Variants in PDPK1 observed in about 807,000 individuals in gnomAD.
The protein encoded by PDPK1 is 3-phosphoinositide-dependent protein kinase 1.
PDPK1 carries 7 observed loss-of-function variants against 39.8 expected under a neutral mutation model. The observed-to-expected ratio is 0.18, with a 90% CI of 0.10 to 0.33. The LOEUF (loss-of-function observed/expected upper bound fraction) is 0.33, where lower values mean the gene tolerates loss of function less well. PDPK1 is among the 10% of genes least tolerant of loss of function. PDPK1 has a pLI of 1.00. For missense variants in PDPK1, 182 were observed against 384.7 expected, an observed-to-expected ratio of 0.47 and a Z score of 4.41; for synonymous variants, 118 against 159.1, an observed-to-expected ratio of 0.74 and a Z score of 1.95.
At chr16:2,551,437 C>T (rs2066405352) in intron 1 of PDPK1, among the ~76,000 whole-genome samples, 1 of 151,274 alleles carries the variant, frequency 6.6e-6, no homozygotes, top group African/African-American at 2.4e-5. Flanking sequence ...GTGGCAGCCT[C>T]CCACAACTTT....
In PDPK1 at chr16:2,597,245, C is replaced by G; in HGVS notation, c.1524C>G (p.Ala508=). The change falls in exon 13 of 14, where the codon GCC becomes GCG. Residue 508 remains alanine, a synonymous_variant. Transcript: ENST00000342085. This position sits in a 1 kb window ranked among gnomAD's most constrained non-coding sequence, Gnocchi z 6.3. ...IPWSQELRPE[A]KNFKTFFVHT... ...GGTCACAAGAACTTCGACCAGAGGC[C>G]AAGAATTTTAAAACTTTCTTTGTCC... is the stretch of plus-strand genomic sequence containing the variant. 1.9e-6 allele frequency: 3 copies of G among 1,595,026 alleles called. No individual in the cohort carries two copies. Among genetic ancestry groups the G allele is most frequent in the Non-Finnish European group, 2.6e-6 (3 of 1,164,914 alleles).
chr16:2,586,599 A>T, intron 10 of PDPK1, 77 bp from the exon 11 acceptor site: 1 of 1,273,380 alleles, frequency 7.9e-7, no homozygotes, highest in Non-Finnish European at 1.1e-6. Flanking sequence ...TGACAGCGGC[A>T]GTGCGGGAGG....
intron 10 of PDPK1, among the ~76,000 whole-genome samples, chr16:2,585,310 T>G (rs2066844819): frequency 6.6e-6 from 1 of 152,198 alleles, no homozygotes; most frequent in South Asian, 2.1e-4. Flanking sequence ...CTGTGTGGTT[T>G]GAAAGCCTTG....
In PDPK1 at chr16:2,601,295, ATGTC is replaced by A. The variant is rs2067210264; in HGVS notation, c.*3531_*3534del. On this transcript the variant is annotated 3_prime_UTR_variant, in exon 14 of 14. Coordinates refer to ENST00000342085, the MANE Select transcript of PDPK1 (RefSeq NM_002613.5). ...TCTGATAAGCCATGTGTTCCAAAGA[ATGTC>A]TGAATAAGACCGCTCTTTATTTAAA... The A allele has an allele frequency of 4.3e-6, 1 of 234,460 alleles. No homozygotes were observed. Among genetic ancestry groups the A allele is most frequent in the Non-Finnish European group, 8.5e-6 (1 of 117,908 alleles). 14.5% of individuals were successfully genotyped at this position (234,460 alleles called of 1,614,324 possible).
chr16:2,592,762 A>C (rs1380310033), intron 11 of PDPK1: 1 of 454,658 alleles, frequency 2.2e-6, no homozygotes, highest in Non-Finnish European at 4.4e-6. Flanking sequence ...TCCGCTGCAC[A>C]CACGCTGTGC....
At chr16:2,594,791 G>A (rs1176665031) in intron 11 of PDPK1, among the ~76,000 whole-genome samples, 1 of 152,080 alleles carries the variant, frequency 6.6e-6, no homozygotes, top group Non-Finnish European at 1.5e-5. Context: ...GATCAGCCTG[G>A]CCAACAGGGT....
chr16:2,544,786 C>A (rs892181149), intron 1 of PDPK1, among the ~76,000 whole-genome samples: 3 of 151,900 alleles, frequency 2.0e-5, no homozygotes, highest in Non-Finnish European at 4.4e-5. Flanking sequence ...GGGTTTCACC[C>A]TGTTAGCTAG....
chr16:2,595,787 C>A lies in PDPK1; in HGVS notation c.1344-6C>A, dbSNP rs548974990. The A allele has an allele frequency of 3.7e-6, 6 of 1,609,226 alleles. No individual in the cohort carries two copies. The highest frequency in any genetic ancestry group is 5.1e-6 in the Non-Finnish European group (6 of 1,175,592). On this transcript the variant is annotated splice_polypyrimidine_tract_variant and splice_region_variant and intron_variant, in intron 11 of 13. Coordinates refer to ENST00000342085, the MANE Select transcript of PDPK1 (RefSeq NM_002613.5). ...GGGAGCATCTCTTTCTTGTTTCTTT[C>A]CACAGGCACCAGTTTGTAGAAAATA...
At chr16:2,547,250 AGGGC>A (rs2066367537) in intron 1 of PDPK1, among the ~76,000 whole-genome samples, 1 of 146,690 alleles carries the variant, frequency 6.8e-6, no homozygotes, top group African/African-American at 2.8e-5. Context: ...GTCCTTCCTG[AGGGC>A]GAGCGCTAGG....
At position 2,601,569 on chromosome 16, in the gene PDPK1, AT is replaced by A; in HGVS notation, c.*3805del. On this transcript the variant is annotated 3_prime_UTR_variant, in exon 14 of 14. Coordinates refer to ENST00000342085, the MANE Select transcript of PDPK1 (RefSeq NM_002613.5). ...GACCTTGCCACATGCTTAGTGAGTG[AT>A]TTGTAATTAAGTTTATAGACTCAGA... is the stretch of plus-strand genomic sequence containing the variant. 1 of 234,392 alleles carries A rather than the reference AT, an allele frequency of 4.3e-6. No individual in the cohort carries two copies. Among genetic ancestry groups the A allele is most frequent in the Non-Finnish European group, 8.5e-6 (1 of 117,818 alleles). The allele number at this position is 234,392 out of a possible 1,614,324, so 14.5% of individuals were successfully genotyped here.
chr16:2,592,377 G>T (rs973707036), intron 11 of PDPK1: 1 of 256,656 alleles, frequency 3.9e-6, no homozygotes. Context: ...GTAGTTAGGT[G>T]TGTCTCCAGG....
Position 2,602,439 on chromosome 16 carries a change from G to A in PDPK1, c.*4672G>A, listed in dbSNP as rs929457. 91 of 235,332 alleles carry A rather than the reference G, an allele frequency of 3.9e-4. No individual in the cohort carries two copies. Among genetic ancestry groups the A allele is most frequent in the African/African-American group, 1.1e-3 (51 of 45,440 alleles). The allele number at this position is 235,332 out of a possible 1,614,324, so 14.6% of individuals were successfully genotyped here. A position where few individuals can be genotyped will look rare whatever the true frequency, so the allele number is the denominator to read the frequency against. On this transcript the variant is annotated 3_prime_UTR_variant, in exon 14 of 14. Transcript: ENST00000342085. The stretch of plus-strand genomic sequence containing the variant: ...CTACGTGTGTACCTGAATTTTCCCC[G>A]TAACTCATTTCTTCCATATGAAGAA...
chr16:2,587,239 C>T (rs1597062942), intron 11 of PDPK1, among the ~76,000 whole-genome samples: 1 of 152,176 alleles, frequency 6.6e-6, no homozygotes. Flanking sequence ...ATAGCTTTCC[C>T]CACTTGTCCA....
chr16:2,594,898 G>C (rs539702659), intron 11 of PDPK1, among the ~76,000 whole-genome samples: 1 of 152,106 alleles, frequency 6.6e-6, no homozygotes, highest in South Asian at 2.1e-4. Flanking sequence ...GAGGCGGGTG[G>C]ATCACAAGGT....
At chr16:2,550,217 A>C (rs535133318) in intron 1 of PDPK1, among the ~76,000 whole-genome samples, 9 of 151,432 alleles carry the variant, frequency 5.9e-5, no homozygotes, top group Admixed American at 1.3e-4. Context: ...GCACTTAATA[A>C]ATTTTTTTTT....
intron 1 of PDPK1, among the ~76,000 whole-genome samples, chr16:2,540,561 C>A (rs573893831): frequency 3.9e-5 from 6 of 152,274 alleles, no homozygotes; most frequent in Admixed American, 1.3e-4. Context: ...TCTTCAGTGC[C>A]ACTGCCCAGG....
At chr16:2,545,768 A>AG (rs1254117446) in intron 1 of PDPK1, among the ~76,000 whole-genome samples, 2 of 152,172 alleles carry the variant, frequency 1.3e-5, no homozygotes, top group Non-Finnish European at 2.9e-5. Flanking sequence ...GTGAGATTAC[A>AG]GGCGTAAGCC....
At chr16:2,584,870 G>A (rs888010866) in intron 10 of PDPK1, among the ~76,000 whole-genome samples, 1 of 152,196 alleles carries the variant, frequency 6.6e-6, no homozygotes, top group Non-Finnish European at 1.5e-5. Context: ...CAGAGGCCTG[G>A]GAGCCTCGAG....
At chr16:2,585,031 T>C (rs888851097) in intron 10 of PDPK1, among the ~76,000 whole-genome samples, 1 of 152,182 alleles carries the variant, frequency 6.6e-6, no homozygotes, top group Non-Finnish European at 1.5e-5. Flanking sequence ...CGTTCTCCCG[T>C]GGGCTCTGTG....
Sources: gnomAD v4.1 joint callset for allele counts (sites outside exome capture counted in the v4.1 genomes callset) on GRCh38, gnomAD v4.1.1 for gene constraint, Gnocchi (gnomAD v3.1) non-coding constraint, MANE v1.5 for transcripts, NCBI Gene and HGNC (gene_info 2026-07-23, HGNC 2026-07-21) for gene names.